The following TAFA1 variants were observed in gnomAD, a reference collection of about 807,000 sequenced individuals.
The protein encoded by TAFA1 is chemokine-like protein TAFA-1.
Under a neutral mutation model 18.5 loss-of-function variants are expected in TAFA1, and 4 were observed. That is an observed-to-expected ratio of 0.22 (90% CI 0.11 to 0.49). The LOEUF (loss-of-function observed/expected upper bound fraction) is 0.49. TAFA1 is among the 20% of genes least tolerant of loss of function. TAFA1 has a pLI of 0.98. For missense variants in TAFA1, 147 were observed against 169.0 expected (o/e 0.87, Z 0.72); for synonymous variants, 56 against 55.2 (o/e 1.01, Z -0.06).
rs75772707 is a variant in TAFA1, at chr3:68,047,209, C to T, written c.118+40465C>T. ...TAGACAAGTCTAGGATCTTATGTGG[C>T]GACAATAGCACATCTTTCAGCTTAG... On this transcript the variant is annotated intron_variant, in intron 2 of 4. Coordinates refer to ENST00000478136, the MANE Select transcript of TAFA1 (RefSeq NM_213609.4). 4.3e-3 allele frequency among the ~76,000 whole-genome samples: 650 copies of T among 152,194 alleles called. 4 individuals are homozygous for T. The highest frequency in any genetic ancestry group is 0.014 in the African/African-American group (591 of 41,526).
intron 2 of TAFA1, among the ~76,000 whole-genome samples, chr3:68,146,703 G>T (rs1486781788): frequency 1.3e-5 from 2 of 152,216 alleles, no homozygotes; most frequent in Non-Finnish European, 1.5e-5. Context: ...GATTTCAGTA[G>T]TTCTTTAACT....
rs528881481 is a variant in TAFA1 at position 68,455,259 on chromosome 3, G to A, written c.259+37839G>A. Among the ~76,000 whole-genome samples, 463 of 152,112 alleles carry A rather than the reference G, an allele frequency of 3.0e-3. 4 individuals carry two copies. The highest frequency in any genetic ancestry group is 3.8e-3 in the Non-Finnish European group (257 of 67,990). ...GTCTTGCTGTCTCAGGGGTAGAAAA[G>A]GCAAAGGCAGTTGGAGGAGGTGGAA... On this transcript the variant is annotated intron_variant, in intron 3 of 4. Transcript: ENST00000478136.
intron 2 of TAFA1, among the ~76,000 whole-genome samples, chr3:68,113,897 G>GTTT (rs35158174): frequency 4.4e-4 from 8 of 18,090 alleles, no homozygotes; most frequent in African/African-American, 7.4e-4. Context: ...AGTTTTTTTT[G>GTTT]TTTTTTTTTT....
At chr3:68,350,071 T>C (rs1430423674) in intron 2 of TAFA1, among the ~76,000 whole-genome samples, 3 of 152,130 alleles carry the variant, frequency 2.0e-5, no homozygotes, top group Non-Finnish European at 2.9e-5. Flanking sequence ...ACCGTGCATA[T>C]GTATAGTTAT....
At chr3:68,333,571 A>G (rs1575784487) in intron 2 of TAFA1, among the ~76,000 whole-genome samples, 1 of 152,314 alleles carries the variant, frequency 6.6e-6, no homozygotes, top group East Asian at 1.9e-4. Flanking sequence ...CCCCTGCGAC[A>G]CAAAATCTAC....
chr3:68,364,791 T>A (rs2106801153), intron 2 of TAFA1, among the ~76,000 whole-genome samples: 1 of 152,324 alleles, frequency 6.6e-6, no homozygotes, highest in South Asian at 2.1e-4. Context: ...ATGTTAACTC[T>A]TCTGTTAACT....
chr3:68,178,211 T>C (rs2066150447), intron 2 of TAFA1, among the ~76,000 whole-genome samples: 1 of 152,138 alleles, frequency 6.6e-6, no homozygotes, highest in Admixed American at 6.6e-5. Context: ...CTATTTATTA[T>C]GTTGTGTGAT....
intron 3 of TAFA1, among the ~76,000 whole-genome samples, chr3:68,530,358 C>G (rs1053759818): frequency 1.3e-5 from 2 of 152,160 alleles, no homozygotes; most frequent in Non-Finnish European, 2.9e-5. Context: ...GATTGATTCT[C>G]CTTTTACAGC....
At chr3:68,380,541 T>G (rs868495107) in intron 2 of TAFA1, among the ~76,000 whole-genome samples, 2 of 152,330 alleles carry the variant, frequency 1.3e-5, no homozygotes, top group South Asian at 4.1e-4. Flanking sequence ...TTTTTTCATG[T>G]GTTTTTTTGG....
At chr3:68,319,599 C>T (rs760595391) in intron 2 of TAFA1, among the ~76,000 whole-genome samples, 11 of 152,196 alleles carry the variant, frequency 7.2e-5, no homozygotes, top group Non-Finnish European at 1.3e-4. Flanking sequence ...CATGGATACG[C>T]ATTGCTGTTG....
chr3:68,238,725 T>C (rs962699347), intron 2 of TAFA1, among the ~76,000 whole-genome samples: 9 of 152,160 alleles, frequency 5.9e-5, no homozygotes, highest in African/African-American at 2.2e-4. Context: ...AACATGGACA[T>C]TTCAGATAAT....
At chr3:68,251,922 A>G (rs1271183633) in intron 2 of TAFA1, among the ~76,000 whole-genome samples, 1 of 152,238 alleles carries the variant, frequency 6.6e-6, no homozygotes, top group African/African-American at 2.4e-5. Context: ...CATCCATGTC[A>G]CATATGTGGG....
intron 3 of TAFA1, among the ~76,000 whole-genome samples, chr3:68,516,544 A>G (rs1453861114): frequency 6.6e-6 from 1 of 152,126 alleles, no homozygotes; most frequent in Admixed American, 6.5e-5. Context: ...CTTGAATTGG[A>G]TCTAAATAAA....
chr3:68,064,238 C>A (rs183170530), intron 2 of TAFA1, among the ~76,000 whole-genome samples: 1 of 151,900 alleles, frequency 6.6e-6, no homozygotes, highest in Non-Finnish European at 1.5e-5. Flanking sequence ...ACATTTTCTC[C>A]GAAAAAAGAA....
At chr3:68,427,398 G>T (rs1425345806) in intron 3 of TAFA1, among the ~76,000 whole-genome samples, 1 of 151,788 alleles carries the variant, frequency 6.6e-6, no homozygotes, top group African/African-American at 2.4e-5. Context: ...TGAATAACTA[G>T]CAAATCTTGT....
At chr3:68,162,514 A>G (rs939490217) in intron 2 of TAFA1, among the ~76,000 whole-genome samples, 1 of 152,152 alleles carries the variant, frequency 6.6e-6, no homozygotes, top group Non-Finnish European at 1.5e-5. Flanking sequence ...TCTATGGCCC[A>G]GGGGTTGGGG....
Position 68,544,607 on chromosome 3 carries a change from C to A in TAFA1, c.*104C>A. 2 of 1,155,624 alleles carry A rather than the reference C, an allele frequency of 1.7e-6. No individual in the cohort carries two copies. Among genetic ancestry groups the A allele is most frequent in the South Asian group, 1.3e-5 (1 of 76,250 alleles). 71.6% of individuals were successfully genotyped at this position (1,155,624 alleles called of 1,614,324 possible). A position where few individuals can be genotyped will look rare whatever the true frequency, so the allele number is the denominator to read the frequency against. ...ACAAGCCAAATGGATTTCTTACTTG[C>A]ACTTTGACTGGCTACCAGATAATCA... On this transcript the variant is annotated 3_prime_UTR_variant, in exon 5 of 5. Coordinates refer to ENST00000478136, the MANE Select transcript of TAFA1 (RefSeq NM_213609.4).
rs535648964 is a variant in TAFA1 at position 68,451,301 on chromosome 3, C to T, written c.259+33881C>T. On this transcript the variant is annotated intron_variant, in intron 3 of 4. Transcript: ENST00000478136. Reference sequence around the variant, plus strand: ...TCATAATTTGTAAGTCCTCAATAAACGTCTGTTAAATGAATGCATCAGAAA... The same window carrying T: ...TCATAATTTGTAAGTCCTCAATAAATGTCTGTTAAATGAATGCATCAGAAA... Among the ~76,000 whole-genome samples the T allele has an allele frequency of 1.5e-3, 225 of 152,206 alleles. 1 individual carries two copies. Among genetic ancestry groups the T allele is most frequent in the Non-Finnish European group, 2.5e-3 (167 of 68,008 alleles).
intron 2 of TAFA1, among the ~76,000 whole-genome samples, chr3:68,379,444 G>C (rs2069885674): frequency 6.6e-6 from 1 of 152,146 alleles, no homozygotes; most frequent in Non-Finnish European, 1.5e-5. Flanking sequence ...TCTGTAGGTT[G>C]CCTGTTTATT....
Sources: allele counts gnomAD v4.1 joint callset (sites outside exome capture counted in the v4.1 genomes callset), GRCh38; gene constraint gnomAD v4.1.1; transcripts MANE v1.5; gene names NCBI Gene and HGNC (gene_info 2026-07-23, HGNC 2026-07-21).